The following KATNBL1 variants were observed in gnomAD, a reference collection of about 807,000 sequenced individuals.
KATNBL1 encodes the protein katanin regulatory subunit B1 like 1.
Under a neutral mutation model 44.7 loss-of-function variants are expected in KATNBL1, and 28 were observed. The ratio of observed to expected loss-of-function variants is 0.63; its 90% confidence interval spans 0.46 to 0.86. The LOEUF (loss-of-function observed/expected upper bound fraction) is 0.86. Ranked by LOEUF, KATNBL1 falls within the 40% of genes least tolerant of loss-of-function variation. The pLI, the probability that KATNBL1 is intolerant of heterozygous loss-of-function variation, is 0.00. For missense variants in KATNBL1, 272 were observed against 350.7 expected (o/e 0.78, Z 1.79); for synonymous variants, 78 against 114.9 (o/e 0.68, Z 2.06).
intron 1 of KATNBL1, among the ~76,000 whole-genome samples, chr15:34,204,198 A>AATAAGTTCCTCAGTTCCTCAGAGG (rs1890237831): frequency 6.6e-6 from 1 of 152,072 alleles, no homozygotes; most frequent in Admixed American, 6.5e-5. Flanking sequence ...GAACTGAGGA[A>AATAAGTTCCTCAGTTCCTCAGAGG]AAATAAACCT....
chr15:34,142,548 C>A, intron 9 of KATNBL1, 177 bp from the exon 10 acceptor site: 1 of 583,520 alleles, frequency 1.7e-6, no homozygotes, highest in Non-Finnish European at 2.9e-6. Flanking sequence ...GGGCCTGGCA[C>A]ATAGTATGTG....
At position 34,141,895 on chromosome 15, in the gene KATNBL1, C is replaced by A. The variant is rs1234612064; in HGVS notation, c.*444G>T. On this transcript the variant is annotated 3_prime_UTR_variant, in exon 10 of 10. Coordinates refer to ENST00000256544, the MANE Select transcript of KATNBL1 (RefSeq NM_024713.3). Reference sequence around the variant, plus strand: ...TTCAACATAAGAAAATAGCTGCACACATTTAAGTGTTTTTTTTTTTTAATA... The same window carrying A: ...TTCAACATAAGAAAATAGCTGCACAAATTTAAGTGTTTTTTTTTTTTAATA... 1 of 149,560 alleles carries A rather than the reference C, an allele frequency of 6.7e-6. No individual in the cohort carries two copies. The highest frequency in any genetic ancestry group is 1.5e-5 in the Non-Finnish European group (1 of 67,846). The allele number at this position is 149,560 out of a possible 1,614,324, so 9.3% of individuals were successfully genotyped here. A position where few individuals can be genotyped will look rare whatever the true frequency, so the allele number is the denominator to read the frequency against.
At chr15:34,167,493 G>A (rs1370981387) in intron 1 of KATNBL1, among the ~76,000 whole-genome samples, 2 of 152,150 alleles carry the variant, frequency 1.3e-5, no homozygotes, top group African/African-American at 2.4e-5. Flanking sequence ...AAAGTGACGG[G>A]GAGAATGCAA....
At chr15:34,194,733 G>A (rs1188525403) in intron 1 of KATNBL1, among the ~76,000 whole-genome samples, 1 of 152,172 alleles carries the variant, frequency 6.6e-6, no homozygotes, top group Non-Finnish European at 1.5e-5. Context: ...GAATTTATAA[G>A]GATCTCAGAC....
Position 34,174,967 on chromosome 15 carries a change from G to A in KATNBL1, c.-14-11277C>T, listed in dbSNP as rs113070829. Among the ~76,000 whole-genome samples the A allele has an allele frequency of 3.7e-3, 498 of 133,374 alleles. 5 individuals carry two copies. Among genetic ancestry groups the A allele is most frequent in the African/African-American group, 0.014 (453 of 32,680 alleles). 87.5% of individuals were successfully genotyped at this position (133,374 alleles called of 152,430 possible). A position where few individuals can be genotyped will look rare whatever the true frequency, so the allele number is the denominator to read the frequency against. On this transcript the variant is annotated intron_variant, in intron 1 of 9. Coordinates refer to ENST00000256544, the MANE Select transcript of KATNBL1 (RefSeq NM_024713.3). ...ACAAATATTAACTTTTAAAAAGCAG[G>A]CCAGGTTGGTGGCTCATGCCTGTAA...
intron 1 of KATNBL1, among the ~76,000 whole-genome samples, chr15:34,206,081 C>CA (rs1192749977): frequency 6.6e-6 from 1 of 152,158 alleles, no homozygotes; most frequent in Non-Finnish European, 1.5e-5. Flanking sequence ...GAGATTAAAT[C>CA]ACTTGCCCAA....
chr15:34,193,225 AAAAAAAAAAAC>A (rs1167030504), intron 1 of KATNBL1, among the ~76,000 whole-genome samples: 7 of 135,788 alleles, frequency 5.2e-5, no homozygotes, highest in East Asian at 2.0e-4. Flanking sequence ...TCAAAAAAAA[AAAAAAAAAAAC>A]AAAAAAAAAA....
At chr15:34,204,499 C>T (rs944455162) in intron 1 of KATNBL1, among the ~76,000 whole-genome samples, 4 of 152,204 alleles carry the variant, frequency 2.6e-5, no homozygotes, top group Non-Finnish European at 5.9e-5. Context: ...GGCTTCCATA[C>T]AGAGAACCCA....
intron 2 of KATNBL1, among the ~76,000 whole-genome samples, chr15:34,161,116 C>T (rs1389078724): frequency 2.0e-5 from 3 of 152,188 alleles, no homozygotes; most frequent in East Asian, 3.8e-4. Context: ...ACTCAACACT[C>T]GCTTTGCACT....
intron 1 of KATNBL1, among the ~76,000 whole-genome samples, chr15:34,173,325 G>A (rs1442049219): frequency 6.6e-6 from 1 of 152,120 alleles, no homozygotes; most frequent in Non-Finnish European, 1.5e-5. Flanking sequence ...CACAGTAGTA[G>A]GGAAGCTAGA....
chr15:34,151,303 GT>G (rs1396687607), intron 4 of KATNBL1, among the ~76,000 whole-genome samples: 1 of 151,964 alleles, frequency 6.6e-6, no homozygotes, highest in Admixed American at 6.6e-5. Context: ...ATGATATCCT[GT>G]TGTGGTTTTG....
At chr15:34,171,202 T>C (rs1214532985) in intron 1 of KATNBL1, among the ~76,000 whole-genome samples, 1 of 152,166 alleles carries the variant, frequency 6.6e-6, no homozygotes, top group Non-Finnish European at 1.5e-5. Flanking sequence ...AAAGGGCTAA[T>C]ATCCAAAATC....
At chr15:34,153,541 C>T (rs2140911632) in intron 3 of KATNBL1, among the ~76,000 whole-genome samples, 1 of 152,214 alleles carries the variant, frequency 6.6e-6, no homozygotes, top group East Asian at 1.9e-4. Flanking sequence ...TGTCACGATG[C>T]TTTGCTCTCT....
rs146471730 is a variant in KATNBL1, at chr15:34,189,342, C to T, written c.-15+20609G>A. On this transcript the variant is annotated intron_variant, in intron 1 of 9. Transcript: ENST00000256544. Reference sequence around the variant, plus strand: ...CCTGGCCCTGGAACACATATTAATACCACATCTATGTAAGTATAATCCAAA... The same window carrying T: ...CCTGGCCCTGGAACACATATTAATATCACATCTATGTAAGTATAATCCAAA... 3.8e-3 allele frequency among the ~76,000 whole-genome samples: 580 copies of T among 152,284 alleles called. 3 individuals carry two copies. The highest frequency in any genetic ancestry group is 7.2e-3 in the South Asian group (35 of 4,830).
intron 9 of KATNBL1, 120 bp from the exon 10 acceptor site, chr15:34,142,491 A>T: frequency 9.1e-7 from 1 of 1,095,378 alleles, no homozygotes; most frequent in Non-Finnish European, 1.3e-6. Flanking sequence ...TTTTGAGGGT[A>T]AAAGACGTGC....
Position 34,163,698 on chromosome 15 carries a change from A to G in KATNBL1, c.-14-8T>C. 7.0e-7 allele frequency: 1 copy of G among 1,423,322 alleles called. No individual in the cohort carries two copies. Among genetic ancestry groups the G allele is most frequent in the Non-Finnish European group, 9.5e-7 (1 of 1,048,240 alleles). The allele number at this position is 1,423,322 out of a possible 1,614,324, so 88.2% of individuals were successfully genotyped here. A position where few individuals can be genotyped will look rare whatever the true frequency, so the allele number is the denominator to read the frequency against. ...CCATAATCTCTTAAGTACCTAGACAATAAAATAAAATAGAAAATTAAAACA... is the reference window on the plus strand; with the variant it reads ...CCATAATCTCTTAAGTACCTAGACAGTAAAATAAAATAGAAAATTAAAACA... On this transcript the variant is annotated splice_region_variant and splice_polypyrimidine_tract_variant and intron_variant, in intron 1 of 9. Coordinates refer to ENST00000256544, the MANE Select transcript of KATNBL1 (RefSeq NM_024713.3).
rs999121671 is a variant in KATNBL1 at position 34,143,093 on chromosome 15, C to T, written c.883-722G>A. On this transcript the variant is annotated intron_variant, in intron 9 of 9. Transcript: ENST00000256544. The stretch of plus-strand genomic sequence containing the variant: ...AAGAAAGTCTCATCATAAGGAACTT[C>T]GCATTGAACTTTTAATCACTCAATA... 4.1e-5 allele frequency: 45 copies of T among 1,089,340 alleles called. No homozygotes were observed. The African/African-American group carries it at 4.4e-4, about 11-fold the overall frequency. The allele number at this position is 1,089,340 out of a possible 1,614,324, so 67.5% of individuals were successfully genotyped here. A position where few individuals can be genotyped will look rare whatever the true frequency, so the allele number is the denominator to read the frequency against.
At chr15:34,189,558 A>G (rs575108014) in intron 1 of KATNBL1, among the ~76,000 whole-genome samples, 21 of 152,364 alleles carry the variant, frequency 1.4e-4, no homozygotes, top group African/African-American at 5.0e-4. Context: ...AAAAAACTTG[A>G]TATCACAAAA....
At chr15:34,169,640 A>G (rs1369666983) in intron 1 of KATNBL1, among the ~76,000 whole-genome samples, 2 of 152,136 alleles carry the variant, frequency 1.3e-5, no homozygotes, top group East Asian at 1.9e-4. Context: ...CAACAAAAAA[A>G]GAGAATTTTA....
Sources: allele counts gnomAD v4.1 joint callset (sites outside exome capture counted in the v4.1 genomes callset), GRCh38; gene constraint gnomAD v4.1.1; transcripts MANE v1.5; gene names NCBI Gene and HGNC (gene_info 2026-07-23, HGNC 2026-07-21).